Variants in B3GALT1 observed in about 807,000 individuals in gnomAD.
B3GALT1 encodes beta-1,3-galactosyltransferase 1, also known as UDP-Gal:betaGlcNAc beta 1,3-galactosyltransferase, polypeptide 1.
In B3GALT1, 10 loss-of-function variants were observed where a neutral mutation model predicts 23.2. The ratio of observed to expected loss-of-function variants is 0.43; its 90% CI spans 0.27 to 0.73. The LOEUF is 0.73. Ranked by LOEUF, B3GALT1 falls within the 30% of genes least tolerant of loss-of-function variation. The pLI is 0.21. For synonymous variants in B3GALT1, 156 were observed against 141.5 expected (o/e 1.10, Z -0.73); for missense variants, 299 against 405.4 (o/e 0.74, Z 2.25).
Position 167,583,177 on chromosome 2 carries a change from A to G in B3GALT1, c.-409-63732A>G, listed in dbSNP as rs539330752. ...AGCAAGATTAAGCCTCATGAGTCAGACATTCTACCACCCTATTGCTGTATT... is the reference window on the plus strand; with the variant it reads ...AGCAAGATTAAGCCTCATGAGTCAGGCATTCTACCACCCTATTGCTGTATT... On this transcript the variant is annotated intron_variant, in intron 2 of 4. Coordinates refer to ENST00000392690, the MANE Select transcript of B3GALT1 (RefSeq NM_020981.4). Among the ~76,000 whole-genome samples the G allele has an allele frequency of 7.2e-5, 11 of 152,300 alleles. No individual in the cohort carries two copies. The East Asian group carries it at 2.1e-3, about 29-fold the overall frequency.
intron 1 of B3GALT1, among the ~76,000 whole-genome samples, chr2:167,479,513 G>A (rs572463422): frequency 6.6e-6 from 1 of 152,268 alleles, no homozygotes; most frequent in African/African-American, 2.4e-5. Flanking sequence ...AACTCTGTAT[G>A]ACTGAGATGG....
At chr2:167,571,152 A>G (rs891701501) in intron 2 of B3GALT1, among the ~76,000 whole-genome samples, 11 of 151,952 alleles carry the variant, frequency 7.2e-5, no homozygotes, top group Non-Finnish European at 1.3e-4. Flanking sequence ...TGTAAGGGAC[A>G]TTCAACAACA....
chr2:167,387,291 A>G (rs1303629868), intron 1 of B3GALT1, among the ~76,000 whole-genome samples: 3 of 152,230 alleles, frequency 2.0e-5, no homozygotes, highest in Non-Finnish European at 4.4e-5. Context: ...TAAAGAAACC[A>G]TTTGATTTTG....
chr2:167,605,193 C>CT, intron 2 of B3GALT1, among the ~76,000 whole-genome samples: 1 of 152,212 alleles, frequency 6.6e-6, no homozygotes, highest in South Asian at 2.1e-4. Flanking sequence ...TCAACATATG[C>CT]TTTTTTCCAC....
chr2:167,635,231 A>G (rs1685528370), intron 2 of B3GALT1, among the ~76,000 whole-genome samples: 1 of 152,182 alleles, frequency 6.6e-6, no homozygotes, highest in Non-Finnish European at 1.5e-5. Flanking sequence ...TGACAAACGC[A>G]CAGTCAATAT....
intron 1 of B3GALT1, among the ~76,000 whole-genome samples, chr2:167,469,448 A>G (rs1318515170): frequency 1.3e-5 from 2 of 152,158 alleles, no homozygotes; most frequent in Non-Finnish European, 2.9e-5. Context: ...GGACTATGAA[A>G]TTTTGAAATT....
chr2:167,722,443 A>G (rs1687249286), intron 3 of B3GALT1, among the ~76,000 whole-genome samples: 1 of 152,210 alleles, frequency 6.6e-6, no homozygotes, highest in South Asian at 2.1e-4. Context: ...TCAACTTTCC[A>G]AATGTACTGA....
At chr2:167,803,604 G>T (rs149677121) in intron 3 of B3GALT1, among the ~76,000 whole-genome samples, 8 of 152,222 alleles carry the variant, frequency 5.3e-5, no homozygotes, top group East Asian at 3.9e-4. Flanking sequence ...CTGCAGAGCC[G>T]CATCAAGACA....
chr2:167,560,699 G>C (rs1202415467), intron 2 of B3GALT1, among the ~76,000 whole-genome samples: 3 of 151,912 alleles, frequency 2.0e-5, no homozygotes, highest in Middle Eastern at 3.4e-3. Flanking sequence ...AAGATCAAAA[G>C]AGACAAAGAA....
At position 167,808,530 on chromosome 2, in the gene B3GALT1, T is replaced by C. The variant is rs567800282; in HGVS notation, c.-351-10142T>C. On this transcript the variant is annotated intron_variant, in intron 3 of 4. Coordinates refer to ENST00000392690, the MANE Select transcript of B3GALT1 (RefSeq NM_020981.4). ...CTTGTCTGTAAAGTATTTTATTTCT[T>C]CTTAACTTATGAAGCTTAATTTGTC... 1.9e-4 allele frequency among the ~76,000 whole-genome samples: 29 copies of C among 152,042 alleles called. No homozygotes were observed. The East Asian group carries it at 4.2e-3, about 22-fold the overall frequency.
chr2:167,829,498 GAAA>G (rs1022036820), intron 4 of B3GALT1, among the ~76,000 whole-genome samples: 1 of 146,868 alleles, frequency 6.8e-6, no homozygotes, highest in African/African-American at 2.7e-5. Context: ...AAAAAAAAAA[GAAA>G]AGAAGAAGAA....
intron 1 of B3GALT1, among the ~76,000 whole-genome samples, chr2:167,395,490 G>A (rs1422100954): frequency 6.6e-6 from 1 of 152,054 alleles, no homozygotes. Context: ...GAAAAGGCAA[G>A]GAAACTGAAC....
intron 1 of B3GALT1, among the ~76,000 whole-genome samples, chr2:167,481,040 T>TA (rs1301430151): frequency 6.6e-6 from 1 of 152,164 alleles, no homozygotes; most frequent in Non-Finnish European, 1.5e-5. Context: ...TTTTGGAACT[T>TA]TTTTTCTCTC....
chr2:167,741,955 A>G (rs1033107408), intron 3 of B3GALT1, among the ~76,000 whole-genome samples: 13 of 152,222 alleles, frequency 8.5e-5, no homozygotes, highest in African/African-American at 2.9e-4. Context: ...TTAATACTGT[A>G]AAGTGGGAGT....
At chr2:167,817,120 T>G (rs903350594) in intron 3 of B3GALT1, among the ~76,000 whole-genome samples, 1 of 152,098 alleles carries the variant, frequency 6.6e-6, no homozygotes, top group Non-Finnish European at 1.5e-5. Context: ...ACTGGAGAGG[T>G]AGGTTAAGCA....
intron 2 of B3GALT1, among the ~76,000 whole-genome samples, chr2:167,537,024 G>A (rs956179671): frequency 2.0e-5 from 3 of 152,112 alleles, no homozygotes; most frequent in Admixed American, 2.0e-4. Flanking sequence ...GCCTAACATG[G>A]TGATTGTATT....
intron 4 of B3GALT1, among the ~76,000 whole-genome samples, chr2:167,833,302 A>G (rs1169424623): frequency 6.6e-6 from 1 of 152,192 alleles, no homozygotes; most frequent in Non-Finnish European, 1.5e-5. Flanking sequence ...CCAAGCCCAC[A>G]GCTCGGAGGC....
chr2:167,682,598 C>G (rs535676995), intron 3 of B3GALT1, among the ~76,000 whole-genome samples: 1 of 152,340 alleles, frequency 6.6e-6, no homozygotes, highest in Admixed American at 6.5e-5. Flanking sequence ...TGCAAATTCT[C>G]AAAGCCAAGC....
intron 4 of B3GALT1, among the ~76,000 whole-genome samples, chr2:167,824,976 C>T (rs1558992152): frequency 6.6e-6 from 1 of 152,014 alleles, no homozygotes; most frequent in East Asian, 1.9e-4. Flanking sequence ...CAGATGGCAA[C>T]TGAGGTCATG....
Sources: gnomAD v4.1 joint callset for allele counts (sites outside exome capture counted in the v4.1 genomes callset) on GRCh38, gnomAD v4.1.1 for gene constraint, MANE v1.5 for transcripts, NCBI Gene and HGNC (gene_info 2026-07-23, HGNC 2026-07-21) for gene names.